The following OTOA variants were observed in gnomAD, a reference collection of about 807,000 sequenced individuals.
OTOA encodes the protein otoancorin.
A neutral mutation model predicts 110.8 loss-of-function variants in OTOA; 70 were observed. That is an observed-to-expected ratio of 0.63 (90% CI 0.52 to 0.77). The LOEUF is 0.77. OTOA is among the 30% of genes least tolerant of loss of function. The pLI is 0.00. For missense variants in OTOA, 917 were observed against 1,075.8 expected (o/e 0.85, Z 2.06); for synonymous variants, 373 against 431.5 (o/e 0.86, Z 1.68).
intron 9 of OTOA, among the ~76,000 whole-genome samples, chr16:21,695,614 A>C (rs192897124): frequency 1.3e-5 from 2 of 151,784 alleles, no homozygotes; most frequent in Non-Finnish European, 2.9e-5. Flanking sequence ...GAGGCACTCC[A>C]TATTTTCTTG....
chr16:21,728,166 A>G, intron 19 of OTOA, 75 bp from the exon 20 acceptor site: 3 of 1,581,520 alleles, frequency 1.9e-6, no homozygotes, highest in African/African-American at 1.3e-5. Flanking sequence ...TGCCCACCCC[A>G]CAGGATGTGT....
intron 11 of OTOA, among the ~76,000 whole-genome samples, chr16:21,701,496 C>T (rs1597822128): frequency 6.6e-6 from 1 of 152,156 alleles, no homozygotes; most frequent in Non-Finnish European, 1.5e-5. Flanking sequence ...TAATGTGATC[C>T]TCCCTAAAAC....
intron 5 of OTOA, 150 bp downstream of exon 5, chr16:21,679,361 G>A: frequency 1.1e-6 from 1 of 937,124 alleles, no homozygotes; most frequent in Admixed American, 2.2e-5. Context: ...AAACACCCTT[G>A]CTCCACGGGC....
At chr16:21,692,575 G>T (rs978824477) in intron 9 of OTOA, among the ~76,000 whole-genome samples, 2 of 152,026 alleles carry the variant, frequency 1.3e-5, no homozygotes, top group Non-Finnish European at 2.9e-5. Flanking sequence ...TGGTAGTGAC[G>T]GTTGCACAAT....
At chr16:21,685,138 T>G (rs1897686348) in intron 6 of OTOA, 92 bp from the exon 7 acceptor site, 2 of 1,514,718 alleles carry the variant, frequency 1.3e-6, no homozygotes, top group African/African-American at 1.4e-5. Flanking sequence ...CTGCAGGGAA[T>G]GAGGGGGCCG....
At chr16:21,697,365 C>A (rs1433289710) in intron 9 of OTOA, among the ~76,000 whole-genome samples, 1 of 152,036 alleles carries the variant, frequency 6.6e-6, no homozygotes, top group Admixed American at 6.6e-5. Flanking sequence ...GGCATGGTGG[C>A]TCATGCCTGT....
chr16:21,709,855 G>A (rs1179275032), intron 12 of OTOA, 33 bp from the exon 13 acceptor site: 2 of 1,572,552 alleles, frequency 1.3e-6, no homozygotes, highest in East Asian at 4.5e-5. Context: ...CCTGCTTCCT[G>A]TCAACACTCA....
chr16:21,722,728 A>G (rs1898795538), intron 17 of OTOA, among the ~76,000 whole-genome samples, 177 bp from the exon 18 acceptor site: 1 of 152,164 alleles, frequency 6.6e-6, no homozygotes, highest in Non-Finnish European at 1.5e-5. Context: ...CATGTTTGTT[A>G]TTACCTCAGC....
chr16:21,715,195 G>T (rs367971905), intron 14 of OTOA, 43 bp downstream of exon 14: 34 of 1,613,220 alleles, frequency 2.1e-5, no homozygotes, highest in South Asian at 7.7e-5. Context: ...GTCACAGGGG[G>T]TATGTTTTTG....
intron 13 of OTOA, among the ~76,000 whole-genome samples, chr16:21,711,164 G>T (rs1567381781): frequency 1.3e-5 from 2 of 152,218 alleles, no homozygotes; most frequent in African/African-American, 4.8e-5. Flanking sequence ...GGATCAACGT[G>T]TGGGACTCAT....
intron 11 of OTOA, among the ~76,000 whole-genome samples, chr16:21,704,616 G>A (rs1216482435): frequency 2.0e-5 from 3 of 152,148 alleles, no homozygotes; most frequent in Non-Finnish European, 4.4e-5. Flanking sequence ...TGGGGAGGGG[G>A]TGTCGTGTCC....
chr16:21,665,960 A>G (rs1339434435), intron 1 of OTOA, among the ~76,000 whole-genome samples: 1 of 152,004 alleles, frequency 6.6e-6, no homozygotes, highest in Non-Finnish European at 1.5e-5. Context: ...CCTCCTGAGT[A>G]GCTAGGGCTA....
chr16:21,723,308 G>A (rs930583349), intron 18 of OTOA, among the ~76,000 whole-genome samples: 4 of 152,142 alleles, frequency 2.6e-5, no homozygotes, highest in East Asian at 3.8e-4. Flanking sequence ...AGCAGTAGGC[G>A]TTTCTCCTGG....
At chr16:21,722,060 T>C (rs924975909) in intron 17 of OTOA, among the ~76,000 whole-genome samples, 1 of 57,432 alleles carries the variant, frequency 1.7e-5, no homozygotes, top group Non-Finnish European at 3.8e-5. Context: ...TTTTAAAAAA[T>C]ACAAAAAAAA....
intron 7 of OTOA, among the ~76,000 whole-genome samples, 178 bp from the exon 8 acceptor site, chr16:21,687,235 A>G (rs1220899787): frequency 6.6e-6 from 1 of 152,188 alleles, no homozygotes; most frequent in Admixed American, 6.5e-5. Context: ...TGAGTGGAGC[A>G]GGTAAAGGCC....
Position 21,678,584 on chromosome 16 carries a change from A to G in OTOA, c.70A>G (p.Thr24Ala), listed in dbSNP as rs747900321. 1.2e-6 allele frequency: 2 copies of G among 1,613,992 alleles called. No individual in the cohort carries two copies. The highest frequency in any genetic ancestry group is 1.1e-5 in the South Asian group (1 of 91,078). The change falls in exon 2 of 29, where the codon ACA becomes GCA. Residue 24 changes from threonine to alanine, a missense_variant. By Grantham distance (58) the Thr-to-Ala change is moderately conservative. Transcript: ENST00000646100. Reference sequence around the variant, plus strand: ...TCTGAGCCATGGAGTGTCGAGTTATACAGTGCCAAATTCCAGGCAGGGTAA... The same window carrying G: ...TCTGAGCCATGGAGTGTCGAGTTATGCAGTGCCAAATTCCAGGCAGGGTAA... ...LFLSHGVSSY[T>A]VPNSRQDLHP...
chr16:21,697,722 A>G (rs1897971789), intron 9 of OTOA, 53 bp from the exon 10 acceptor site: 5 of 1,494,824 alleles, frequency 3.3e-6, no homozygotes, highest in Non-Finnish European at 4.7e-6. Flanking sequence ...ATACCAGTGT[A>G]AAGGCTTTTA....
Position 21,719,411 on chromosome 16 carries a change from G to C in OTOA, c.1713G>C (p.Val571=). The C allele has an allele frequency of 3.7e-6, 6 of 1,614,082 alleles. No homozygotes were observed. The highest frequency in any genetic ancestry group is 5.1e-6 in the Non-Finnish European group (6 of 1,180,004). Residue 571 remains valine (V), a synonymous_variant, in exon 17 of 29, where the codon GTG becomes GTC. Transcript: ENST00000646100. The part of the protein sequence containing the change: ...LLSAGQLVKG[V]TCSHIDAMST... ...GTGCTGGGCAGCTGGTCAAAGGCGT[G>C]ACCTGCTCACACATTGATGCCATGA...
chr16:21,695,891 A>ATATATATATATTTT (rs569493650), intron 9 of OTOA, among the ~76,000 whole-genome samples: 13 of 41,892 alleles, frequency 3.1e-4, no homozygotes, highest in African/African-American at 4.4e-4. Context: ...ATATATATAT[A>ATATATATATATTTT]TTTTTTTTTT....
Sources: gnomAD v4.1 joint callset for allele counts (sites outside exome capture counted in the v4.1 genomes callset) on GRCh38, gnomAD v4.1.1 for gene constraint, MANE v1.5 for transcripts, NCBI Gene and HGNC (gene_info 2026-07-23, HGNC 2026-07-21) for gene names.